Variants in AGBL4 observed in about 807,000 individuals in gnomAD.
AGBL4 encodes cytosolic carboxypeptidase 6.
Under a neutral mutation model 66.4 loss-of-function variants are expected in AGBL4, and 58 were observed. The observed-to-expected ratio is 0.87, with a 90% CI of 0.71 to 1.09. The LOEUF is 1.09. Among genes scored for constraint, AGBL4 ranks in the 50% least tolerant of loss-of-function variants. The pLI is 0.00. For synonymous variants in AGBL4, 234 were observed against 222.9 expected, an observed-to-expected ratio of 1.05 and a Z score of -0.44; for missense variants, 579 against 631.0, an observed-to-expected ratio of 0.92 and a Z score of 0.88.
intron 6 of AGBL4, among the ~76,000 whole-genome samples, chr1:48,796,652 G>A (rs1393864312): frequency 6.6e-6 from 1 of 152,194 alleles, no homozygotes; most frequent in Admixed American, 6.5e-5. Flanking sequence ...GAACCCTTCA[G>A]CACAGTTTAG....
At chr1:49,133,146 C>T (rs1645934993) in intron 4 of AGBL4, among the ~76,000 whole-genome samples, 1 of 152,102 alleles carries the variant, frequency 6.6e-6, no homozygotes, top group African/African-American at 2.4e-5. Context: ...TAACAGAAAA[C>T]CAAACACTGC....
intron 11 of AGBL4, among the ~76,000 whole-genome samples, chr1:48,571,335 C>T (rs1256639407): frequency 6.6e-6 from 1 of 152,242 alleles, no homozygotes; most frequent in Non-Finnish European, 1.5e-5. Context: ...GACCCTGCAC[C>T]ACTTAGTTGT....
At chr1:49,709,680 T>G (rs1332193768) in intron 2 of AGBL4, among the ~76,000 whole-genome samples, 1 of 152,126 alleles carries the variant, frequency 6.6e-6, no homozygotes, top group Non-Finnish European at 1.5e-5. Flanking sequence ...AGAAAATGTT[T>G]GCAATCTATC....
chr1:48,976,754 C>A (rs1350221627), intron 5 of AGBL4, among the ~76,000 whole-genome samples: 1 of 152,034 alleles, frequency 6.6e-6, no homozygotes, highest in African/African-American at 2.4e-5. Context: ...AATGCTCTTC[C>A]CCTAGAGAAA....
Position 48,534,244 on chromosome 1 carries a change from T to C in AGBL4, c.1441A>G (p.Ser481Gly). The C allele has an allele frequency of 6.4e-7, 1 of 1,551,768 alleles. No homozygotes were observed. The highest frequency in any genetic ancestry group is 8.7e-7 in the Non-Finnish European group (1 of 1,146,972). Reference sequence around the variant, plus strand: ...TCCCCTTTGCTGTTGGGGTAGTTGCTGGCTGGGCCCCGCAGGAGTGGGTGC... The same window carrying C: ...TCCCCTTTGCTGTTGGGGTAGTTGCCGGCTGGGCCCCGCAGGAGTGGGTGC... ...YKHPLLRGPA[S>G]NYPNSKGDKK... Residue 481 changes from serine (S) to glycine (G), a missense_variant, in exon 14 of 14, where the codon AGC (serine) becomes GGC (glycine). By Grantham distance (56) the Ser-to-Gly change is moderately conservative (BLOSUM62 0). Transcript: ENST00000371839.
At chr1:49,213,825 T>C (rs935183372) in intron 4 of AGBL4, among the ~76,000 whole-genome samples, 27 of 152,036 alleles carry the variant, frequency 1.8e-4, no homozygotes, top group African/African-American at 6.0e-4. Flanking sequence ...CTGCAATCCA[T>C]AGGGATCTCT....
intron 1 of AGBL4, among the ~76,000 whole-genome samples, chr1:49,989,322 T>A (rs1390376813): frequency 3.9e-5 from 6 of 152,162 alleles, no homozygotes; most frequent in African/African-American, 1.4e-4. Flanking sequence ...TGCAGCCTAA[T>A]GCCCTAATCA....
chr1:49,622,430 C>A (rs1645379654), intron 3 of AGBL4, among the ~76,000 whole-genome samples: 2 of 151,382 alleles, frequency 1.3e-5, no homozygotes, highest in South Asian at 4.2e-4. Flanking sequence ...GAGATCGAGA[C>A]CATCCCGGCT....
chr1:49,689,632 T>A (rs1027689361), intron 3 of AGBL4, among the ~76,000 whole-genome samples: 1 of 152,212 alleles, frequency 6.6e-6, no homozygotes, highest in Non-Finnish European at 1.5e-5. Context: ...TGATAGAGAT[T>A]ACATTCAATC....
chr1:48,535,266 T>C (rs2798110), intron 12 of AGBL4, among the ~76,000 whole-genome samples: 48,547 of 151,838 alleles, frequency 0.32, 7,973 homozygotes, highest in East Asian at 0.37. Flanking sequence ...ATCCCATACC[T>C]TTAGGCCTCT....
intron 5 of AGBL4, among the ~76,000 whole-genome samples, chr1:48,935,958 GAAAAAAAAAAAAAAAA>G (rs71056686): frequency 0.38 from 9,268 of 24,492 alleles, 696 homozygotes; most frequent in Middle Eastern, 0.47. Flanking sequence ...GACTCTGTCT[GAAAAAAAAAAAAAAAA>G]AAAAAAAAAA....
intron 4 of AGBL4, among the ~76,000 whole-genome samples, chr1:49,223,411 G>A (rs1649653933): frequency 1.3e-5 from 2 of 152,140 alleles, no homozygotes; most frequent in Admixed American, 1.3e-4. Context: ...TATATGCATA[G>A]AAGGTTTTCT....
chr1:48,634,941 T>C (rs1293507330), intron 8 of AGBL4, among the ~76,000 whole-genome samples: 1 of 152,110 alleles, frequency 6.6e-6, no homozygotes, highest in Non-Finnish European at 1.5e-5. Flanking sequence ...CTGAGAAAAA[T>C]GCTCAGGCCA....
At chr1:49,856,338 A>G (rs78849926) in intron 1 of AGBL4, among the ~76,000 whole-genome samples, 8,096 of 152,184 alleles carry the variant, frequency 0.053, 243 homozygotes, top group African/African-American at 0.071. Context: ...ATCAATTCTC[A>G]AACTATTCCA....
At chr1:49,955,505 T>C (rs1284970165) in intron 1 of AGBL4, among the ~76,000 whole-genome samples, 1 of 151,908 alleles carries the variant, frequency 6.6e-6, no homozygotes, top group Non-Finnish European at 1.5e-5. Context: ...AGGGTCCCAA[T>C]ACTATATATT....
intron 4 of AGBL4, among the ~76,000 whole-genome samples, chr1:49,209,169 A>G (rs769063457): frequency 6.6e-6 from 1 of 152,178 alleles, no homozygotes; most frequent in African/African-American, 2.4e-5. Flanking sequence ...ATAATTACTG[A>G]TCTCTAACTT....
intron 3 of AGBL4, among the ~76,000 whole-genome samples, chr1:49,305,753 C>A (rs956901380): frequency 2.6e-5 from 4 of 151,292 alleles, no homozygotes; most frequent in Non-Finnish European, 4.4e-5. Context: ...TGCAATGGCA[C>A]GATTTTGGCT....
At chr1:48,972,854 C>T (rs907489660) in intron 5 of AGBL4, among the ~76,000 whole-genome samples, 1 of 152,152 alleles carries the variant, frequency 6.6e-6, no homozygotes, top group African/African-American at 2.4e-5. Flanking sequence ...GAAGGTGGCA[C>T]CCACTGTTTG....
chr1:49,395,831 GTA>G (rs1168054468), intron 3 of AGBL4, among the ~76,000 whole-genome samples: 2,814 of 78,922 alleles, frequency 0.036, 94 homozygotes, highest in African/African-American at 0.12. Flanking sequence ...ATATATATGT[GTA>G]TATATATATA....
Sources: allele counts gnomAD v4.1 joint callset (sites outside exome capture counted in the v4.1 genomes callset), GRCh38; gene constraint gnomAD v4.1.1; transcripts MANE v1.5; gene names NCBI Gene and HGNC (gene_info 2026-07-23, HGNC 2026-07-21).